Variants in JMJD1C observed in about 807,000 individuals in gnomAD.
JMJD1C encodes jumonji domain-containing protein 1C.
In JMJD1C, 31 loss-of-function variants were observed where a neutral mutation model predicts 245.3. That is an observed-to-expected ratio of 0.13 (90% CI 0.09 to 0.17). The LOEUF is 0.17. Ranked by LOEUF, JMJD1C falls within the 10% of genes least tolerant of loss-of-function variation. The pLI, the probability that JMJD1C is intolerant of heterozygous loss-of-function variation, is 1.00. For missense variants in JMJD1C, 2,691 were observed against 3,000.2 expected, an observed-to-expected ratio of 0.90 and a Z score of 2.41; for synonymous variants, 1,057 against 1,017.4, an observed-to-expected ratio of 1.04 and a Z score of -0.74.
chr10:63,430,274 T>C (rs75034188), intron 1 of JMJD1C, among the ~76,000 whole-genome samples: 88 of 152,296 alleles, frequency 5.8e-4, no homozygotes, highest in South Asian at 2.3e-3. Flanking sequence ...CTTTGTGACA[T>C]TGAGTTGGGC....
chr10:63,351,160 C>CA (rs1287484420), intron 2 of JMJD1C, among the ~76,000 whole-genome samples: 1 of 144,934 alleles, frequency 6.9e-6, no homozygotes, highest in Non-Finnish European at 1.5e-5. Context: ...CCCACTGCAA[C>CA]CTCTGCCTCC....
intron 1 of JMJD1C, among the ~76,000 whole-genome samples, chr10:63,451,401 C>T (rs1952060022): frequency 6.6e-6 from 1 of 152,078 alleles, no homozygotes; most frequent in Non-Finnish European, 1.5e-5. Flanking sequence ...TAATCAAAAA[C>T]GCTGCAGGAC....
intron 3 of JMJD1C, among the ~76,000 whole-genome samples, chr10:63,263,996 A>T (rs1465858990): frequency 2.0e-5 from 3 of 149,398 alleles, no homozygotes; most frequent in Non-Finnish European, 4.5e-5. Context: ...ACACACACAC[A>T]CACACACACA....
At chr10:63,219,851 T>G (rs760295103) in intron 4 of JMJD1C, 27 bp downstream of exon 4, 9 of 1,556,708 alleles carry the variant, frequency 5.8e-6, no homozygotes, top group Non-Finnish European at 8.0e-6. Context: ...TCCAAAAAAA[T>G]TTAATGCATA....
In JMJD1C at chr10:63,214,178, C is replaced by G; in HGVS notation, c.1989G>C (p.Val663=). 6.2e-7 allele frequency: 1 copy of G among 1,614,086 alleles called. No individual in the cohort carries two copies. Among genetic ancestry groups the G allele is most frequent in the South Asian group, 1.1e-5 (1 of 91,082 alleles). Residue 663 remains valine, a synonymous_variant, in exon 8 of 26, where the codon GTG becomes GTC. Transcript: ENST00000399262. ...PDSVKSKATY[V]NSQATGERRL... is the part of the protein sequence containing the mutation. ...TTCTTTCACCAGTAGCTTGGCTGTT[C>G]ACATAAGTGGCCTTAGACTTTACAG...
At chr10:63,362,468 T>C (rs1017129927) in intron 2 of JMJD1C, among the ~76,000 whole-genome samples, 1 of 74,940 alleles carries the variant, frequency 1.3e-5, no homozygotes, top group Non-Finnish European at 4.3e-5. Flanking sequence ...CATATATATA[T>C]TTATTTATAT....
intron 2 of JMJD1C, among the ~76,000 whole-genome samples, chr10:63,302,049 C>T (rs1214841091): frequency 6.6e-6 from 1 of 152,144 alleles, no homozygotes; most frequent in Admixed American, 6.6e-5. Flanking sequence ...CAAGGTCTCG[C>T]TCTGTTGCCC....
At chr10:63,257,046 C>T (rs2133696941) in intron 3 of JMJD1C, among the ~76,000 whole-genome samples, 1 of 151,850 alleles carries the variant, frequency 6.6e-6, no homozygotes, top group Non-Finnish European at 1.5e-5. Flanking sequence ...AACATCCTGG[C>T]CAACACTGGT....
chr10:63,267,932 G>C (rs1032504404), intron 2 of JMJD1C, among the ~76,000 whole-genome samples: 1 of 151,936 alleles, frequency 6.6e-6, no homozygotes, highest in Admixed American at 6.6e-5. Context: ...AGGAAGACGC[G>C]AACAGATGAG....
chr10:63,431,343 T>C (rs1381897806), intron 1 of JMJD1C, among the ~76,000 whole-genome samples: 3 of 152,200 alleles, frequency 2.0e-5, no homozygotes, highest in South Asian at 2.1e-4. Flanking sequence ...TACAGAAATA[T>C]GTAAGAATGA....
chr10:63,416,948 C>A (rs1177450824), intron 1 of JMJD1C, among the ~76,000 whole-genome samples: 2 of 152,098 alleles, frequency 1.3e-5, no homozygotes, highest in East Asian at 3.8e-4. Flanking sequence ...AAATATTTAT[C>A]ATTTACTAGT....
intron 2 of JMJD1C, among the ~76,000 whole-genome samples, chr10:63,293,608 T>C (rs1404026272): frequency 6.6e-6 from 1 of 152,196 alleles, no homozygotes; most frequent in Admixed American, 6.5e-5. Context: ...ACATGTGATC[T>C]AGCTGTCTAA....
intron 3 of JMJD1C, among the ~76,000 whole-genome samples, chr10:63,235,063 A>G (rs1850567011): frequency 6.6e-6 from 1 of 152,222 alleles, no homozygotes; most frequent in African/African-American, 2.4e-5. Flanking sequence ...TACACATTTA[A>G]GAAACAGACT....
Position 63,214,114 on chromosome 10 carries a change from T to C in JMJD1C, c.2053A>G (p.Ser685Gly), listed in dbSNP as rs1847684796. The change falls in exon 8 of 26, where the codon AGT (serine) becomes GGT (glycine). Residue 685 changes from serine (S) to glycine (G), a missense_variant. Ser to Gly is a moderately conservative substitution (Grantham distance 56, BLOSUM62 0). Coordinates refer to ENST00000399262, the MANE Select transcript of JMJD1C (RefSeq NM_032776.3). ...NKIEHELSRCSFHPIPTRSST... is the reference protein window; with the variant it reads ...NKIEHELSRCGFHPIPTRSST... ...CTTCGAGTAGGAATTGGATGAAAAC[T>C]GCATCTTGATAGCTCATGTTCTATC... 2 of 1,614,112 alleles carry C rather than the reference T, an allele frequency of 1.2e-6. No individual in the cohort carries two copies. The highest frequency in any genetic ancestry group is 1.7e-6 in the Non-Finnish European group (2 of 1,180,046).
At chr10:63,508,688 G>T (rs553121370) in intron 1 of JMJD1C, among the ~76,000 whole-genome samples, 328 of 152,226 alleles carry the variant, frequency 2.2e-3, no homozygotes, top group Middle Eastern at 0.01. Flanking sequence ...CATAGATCTT[G>T]TATATATTTT....
At chr10:63,289,029 T>C (rs1460871919) in intron 2 of JMJD1C, among the ~76,000 whole-genome samples, 4 of 151,942 alleles carry the variant, frequency 2.6e-5, no homozygotes, top group African/African-American at 9.7e-5. Context: ...TTAATATCCT[T>C]AGTTCTTGCA....
chr10:63,439,856 A>C (rs1951267872), intron 1 of JMJD1C, among the ~76,000 whole-genome samples: 1 of 152,208 alleles, frequency 6.6e-6, no homozygotes, highest in Non-Finnish European at 1.5e-5. Flanking sequence ...AATTTGACAT[A>C]ACAAAGTTAA....
intron 1 of JMJD1C, chr10:63,427,320 G>GT: frequency 6.0e-6 from 6 of 1,003,706 alleles, no homozygotes; most frequent in South Asian, 2.8e-5. Flanking sequence ...TCCTGGGCCA[G>GT]GGCGTGCTCC....
At chr10:63,512,891 T>C (rs1372956914) in intron 1 of JMJD1C, among the ~76,000 whole-genome samples, 1 of 152,172 alleles carries the variant, frequency 6.6e-6, no homozygotes, top group Non-Finnish European at 1.5e-5. Flanking sequence ...TTCTCTGTCA[T>C]TTTTCTTCTT....
Sources: allele counts gnomAD v4.1 joint callset (sites outside exome capture counted in the v4.1 genomes callset), GRCh38; gene constraint gnomAD v4.1.1; transcripts MANE v1.5; gene names NCBI Gene and HGNC (gene_info 2026-07-23, HGNC 2026-07-21).